OSBPL2: variants seen among roughly 807,000 people sequenced by gnomAD.
The protein encoded by OSBPL2 is oxysterol binding protein like 2.
Under a neutral mutation model 58.4 loss-of-function variants are expected in OSBPL2, and 18 were observed. The ratio of observed to expected loss-of-function variants is 0.31; its 90% confidence interval spans 0.21 to 0.46. OSBPL2 has a LOEUF of 0.46. OSBPL2 is among the 20% of genes least tolerant of loss of function. The pLI is 1.00. For synonymous variants in OSBPL2, 221 were observed against 234.1 expected (o/e 0.94, Z 0.51); for missense variants, 461 against 616.5 (o/e 0.75, Z 2.67).
At chr20:62,241,366 G>GTC (rs902894393) in intron 1 of OSBPL2, among the ~76,000 whole-genome samples, 11 of 152,192 alleles carry the variant, frequency 7.2e-5, no homozygotes, top group African/African-American at 2.2e-4. Flanking sequence ...CTAATTTTGG[G>GTC]TCTTGGATTT....
At position 62,291,739 on chromosome 20, in the gene OSBPL2, A is replaced by G; in HGVS notation, c.1286A>G (p.Lys429Arg). ...ASQEKERLEE[K>R]QREARRERAK... ...CAGGAGAAGGAGCGGCTGGAGGAGA[A>G]GCAGAGAGAAGCACGGAGGGAGCGG... is the stretch of plus-strand genomic sequence containing the variant. Residue 429 changes from lysine (K) to arginine (R), a missense_variant, in exon 13 of 14, where the codon AAG becomes AGG. Transcript: ENST00000313733. 1 of 1,613,510 alleles carries G rather than the reference A, an allele frequency of 6.2e-7. No individual in the cohort carries two copies. The highest frequency in any genetic ancestry group is 8.5e-7 in the Non-Finnish European group (1 of 1,179,978).
intron 1 of OSBPL2, among the ~76,000 whole-genome samples, chr20:62,244,248 G>A (rs1413742048): frequency 1.3e-5 from 2 of 152,192 alleles, no homozygotes; most frequent in East Asian, 1.9e-4. Flanking sequence ...CGCGTCCTCC[G>A]CCTGCTGTGG....
chr20:62,293,750 A>G, intron 13 of OSBPL2, 35 bp from the exon 14 acceptor site: 1 of 1,603,182 alleles, frequency 6.2e-7, no homozygotes, highest in Non-Finnish European at 8.5e-7. Context: ...TTTTGGGCTG[A>G]GCATCTTCTG....
intron 9 of OSBPL2, among the ~76,000 whole-genome samples, chr20:62,283,365 G>C (rs889931306): frequency 2.0e-5 from 3 of 152,148 alleles, no homozygotes; most frequent in African/African-American, 7.2e-5. Flanking sequence ...CCTGGGTCCC[G>C]AGTCTGTCAG....
intron 4 of OSBPL2, 136 bp from the exon 5 acceptor site, chr20:62,271,989 C>T (rs1477024076): frequency 4.0e-6 from 4 of 1,011,790 alleles, no homozygotes; most frequent in African/African-American, 1.6e-5. Flanking sequence ...GAGTGGCTCA[C>T]CCATGGGGGG....
intron 13 of OSBPL2, among the ~76,000 whole-genome samples, chr20:62,292,317 A>T (rs1983573378): frequency 6.6e-6 from 1 of 152,230 alleles, no homozygotes; most frequent in Non-Finnish European, 1.5e-5. Flanking sequence ...CGCCTGTCAC[A>T]CCGATACCAC....
intron 2 of OSBPL2, among the ~76,000 whole-genome samples, chr20:62,256,981 G>A (rs958297062): frequency 6.6e-6 from 1 of 152,282 alleles, no homozygotes; most frequent in South Asian, 2.1e-4. Flanking sequence ...CTGGTGGGAA[G>A]GGGCATCAGG....
intron 1 of OSBPL2, among the ~76,000 whole-genome samples, chr20:62,253,403 T>C (rs1980698806): frequency 6.6e-6 from 1 of 152,242 alleles, no homozygotes; most frequent in African/African-American, 2.4e-5. Flanking sequence ...CTTGAATGTA[T>C]TCACCGTGTT....
intron 4 of OSBPL2, among the ~76,000 whole-genome samples, chr20:62,265,070 A>G (rs1001211783): frequency 2.0e-5 from 3 of 152,136 alleles, no homozygotes; most frequent in African/African-American, 4.8e-5. Flanking sequence ...TTTGTAATCA[A>G]TGTTTTAGGG....
At chr20:62,281,735 C>T (rs548488234) in intron 8 of OSBPL2, 55 bp from the exon 9 acceptor site, 4 of 1,364,154 alleles carry the variant, frequency 2.9e-6, no homozygotes, top group Admixed American at 1.7e-5. Context: ...ACAGAGTTAC[C>T]CTTTCCGGCT....
intron 10 of OSBPL2, chr20:62,284,478 G>C (rs1171075994): frequency 5.5e-6 from 2 of 363,352 alleles, no homozygotes; most frequent in Admixed American, 7.8e-5. Flanking sequence ...CCAGGCTCAA[G>C]CAATCCTCCC....
At chr20:62,279,104 T>G in intron 6 of OSBPL2, 53 bp from the exon 7 acceptor site, 1 of 1,486,756 alleles carries the variant, frequency 6.7e-7, no homozygotes, top group Non-Finnish European at 9.2e-7. Context: ...GAGCTGCCCT[T>G]TCTTTTATTT....
intron 13 of OSBPL2, among the ~76,000 whole-genome samples, chr20:62,293,152 C>T (rs570520089): frequency 5.7e-4 from 86 of 151,664 alleles, no homozygotes; most frequent in African/African-American, 1.9e-3. Context: ...CGTGAGCCAC[C>T]GCGCCCGGCC....
Position 62,256,249 on chromosome 20 carries a change from C to T in OSBPL2, c.37+28C>T, listed in dbSNP as rs766316031. 6.9e-6 allele frequency: 11 copies of T among 1,604,666 alleles called. No individual in the cohort carries two copies. In the East Asian group the frequency reaches 1.6e-4, roughly 23 times the overall value. On this transcript the variant is annotated intron_variant, in intron 2 of 13. Transcript: ENST00000313733. ...GAGTCAAAAGAGAACCAACTGGGGACGTACTGGAAGGGTGAACGTCCCTGG... is the reference window on the plus strand; with the variant it reads ...GAGTCAAAAGAGAACCAACTGGGGATGTACTGGAAGGGTGAACGTCCCTGG...
In OSBPL2 at chr20:62,272,957, G is replaced by A. The variant is rs1171997733; in HGVS notation, c.394-352G>A. 2.0e-5 allele frequency among the ~76,000 whole-genome samples: 3 copies of A among 152,338 alleles called. No individual in the cohort carries two copies. The South Asian group carries it at 6.2e-4, about 32-fold the overall frequency. On this transcript the variant is annotated intron_variant, in intron 5 of 13. Coordinates refer to ENST00000313733, the MANE Select transcript of OSBPL2 (RefSeq NM_144498.4). Reference sequence around the variant, plus strand: ...GCACATAACGTGTGCACGTGTGTGCGCATGCCTCTGTGAATGAGTGCTTGG... The same window carrying A: ...GCACATAACGTGTGCACGTGTGTGCACATGCCTCTGTGAATGAGTGCTTGG...
intron 4 of OSBPL2, among the ~76,000 whole-genome samples, chr20:62,268,959 A>G (rs1332031403): frequency 6.6e-6 from 1 of 152,064 alleles, no homozygotes; most frequent in Non-Finnish European, 1.5e-5. Flanking sequence ...TGGGAGGCTG[A>G]GGCAGGCGAA....
chr20:62,240,095 C>T (rs62204465), intron 1 of OSBPL2, among the ~76,000 whole-genome samples: 3 of 152,140 alleles, frequency 2.0e-5, no homozygotes, highest in Admixed American at 6.5e-5. Context: ...TCAAGGGATC[C>T]GCCTGCCTCA....
chr20:62,270,977 G>A (rs1381945635), intron 4 of OSBPL2, among the ~76,000 whole-genome samples: 1 of 137,144 alleles, frequency 7.3e-6, no homozygotes, highest in African/African-American at 2.8e-5. Flanking sequence ...TGGCCTCTCT[G>A]GGTCCTCTCC....
intron 1 of OSBPL2, among the ~76,000 whole-genome samples, chr20:62,249,643 C>T (rs981625464): frequency 7.9e-5 from 12 of 152,216 alleles, no homozygotes; most frequent in Non-Finnish European, 8.8e-5. Context: ...GGCGCGATCT[C>T]GGCTTACTGC....
Sources: allele counts gnomAD v4.1 joint callset (sites outside exome capture counted in the v4.1 genomes callset), GRCh38; gene constraint gnomAD v4.1.1; transcripts MANE v1.5; gene names NCBI Gene and HGNC (gene_info 2026-07-23, HGNC 2026-07-21).